CELF2: variants seen among roughly 807,000 people sequenced by gnomAD.
CELF2 encodes the protein CUGBP Elav-like family member 2.
CELF2 carries 8 observed loss-of-function variants against 62.6 expected under a neutral mutation model. The ratio of observed to expected loss-of-function variants is 0.13; its 90% confidence interval spans 0.07 to 0.23. CELF2 has a LOEUF of 0.23. CELF2 is among the 10% of genes least tolerant of loss of function. The probability of loss-of-function intolerance (pLI) is 1.00; values close to 1 mark genes in which losing one functional copy is unlikely to be tolerated. For missense variants in CELF2, 333 were observed against 671.0 expected, an observed-to-expected ratio of 0.50 and a Z score of 5.56; for synonymous variants, 258 against 250.0, an observed-to-expected ratio of 1.03 and a Z score of -0.30.
At chr10:11,094,483 T>C (rs1428482369) in intron 1 of CELF2, among the ~76,000 whole-genome samples, 1 of 152,168 alleles carries the variant, frequency 6.6e-6, no homozygotes, top group African/African-American at 2.4e-5. Flanking sequence ...GTAAATCAGG[T>C]GACTTGAAAT....
the CELF2 span, among the ~76,000 whole-genome samples, chr10:10,590,159 A>ACG: frequency 1.4e-3 from 213 of 151,140 alleles, no homozygotes; most frequent in African/African-American, 4.2e-3. Flanking sequence ...ACACATGTGC[A>ACG]TGCACACACA....
At position 11,252,328 on chromosome 10, in the gene CELF2, G is replaced by A. The variant is rs1028316645; in HGVS notation, c.403+3127G>A. Among the ~76,000 whole-genome samples, 13 of 152,276 alleles carry A rather than the reference G, an allele frequency of 8.5e-5. No individual in the cohort carries two copies. In the East Asian group the frequency reaches 1.2e-3, roughly 14 times the overall value. ...CCTGTAGTTTTGAAAGAAGTATAACGAGCTCTAATTGCACTTTTATTGAGT... is the reference window on the plus strand; with the variant it reads ...CCTGTAGTTTTGAAAGAAGTATAACAAGCTCTAATTGCACTTTTATTGAGT... On this transcript the variant is annotated intron_variant, in intron 4 of 12. Transcript: ENST00000633077.
At position 11,211,986 on chromosome 10, in the gene CELF2, A is replaced by C. The variant is rs887327255; in HGVS notation, c.272-5439A>C. 4.6e-5 allele frequency among the ~76,000 whole-genome samples: 7 copies of C among 152,186 alleles called. No homozygotes were observed. Among genetic ancestry groups the C allele is most frequent in the Non-Finnish European group, 8.8e-5 (6 of 68,036 alleles). Reference sequence around the variant, plus strand: ...TTCATGACAGCAGAAACTATTAGTGAAAAAATATAGCGAGACACCAGCTAC... The same window carrying C: ...TTCATGACAGCAGAAACTATTAGTGCAAAAATATAGCGAGACACCAGCTAC... On this transcript the variant is annotated intron_variant, in intron 2 of 12. Transcript: ENST00000633077. The surrounding 1 kb of genome is among the most constrained non-coding windows in gnomAD (Gnocchi z 4.8).
At chr10:11,124,671 C>G (rs1427649454) in intron 1 of CELF2, among the ~76,000 whole-genome samples, 2 of 152,116 alleles carry the variant, frequency 1.3e-5, no homozygotes, top group Admixed American at 6.5e-5. Flanking sequence ...CTACCATGTG[C>G]CAGGCACTGC....
At position 11,262,940 on chromosome 10, in the gene CELF2, C is replaced by CTTTTTTTTTTTTTTTTTT. The variant is rs553831640; in HGVS notation, c.539-3648_539-3631dup. On this transcript the variant is annotated intron_variant, in intron 5 of 12. Coordinates refer to ENST00000633077, the MANE Select transcript of CELF2 (RefSeq NM_001326342.2). ...GTTCATGCTTTTAAAAGTGGCTTTA[C>CTTTTTTTTTTTTTTTTTT]TTTTTTTTTTTTTTTTTTTTTTTTT... Among the ~76,000 whole-genome samples the CTTTTTTTTTTTTTTTTTT allele has an allele frequency of 5.0e-3, 264 of 52,758 alleles. 75 individuals are homozygous for CTTTTTTTTTTTTTTTTTT. The highest frequency in any genetic ancestry group is 0.017 in the East Asian group (18 of 1,036). The allele number at this position is 52,758 out of a possible 152,430, so 34.6% of individuals were successfully genotyped here.
intron 1 of CELF2, among the ~76,000 whole-genome samples, chr10:10,902,870 C>T (rs947953656): frequency 4.6e-5 from 5 of 108,798 alleles, no homozygotes; most frequent in Non-Finnish European, 5.2e-5. Flanking sequence ...GGAGAGGAAG[C>T]GAATATAGGC....
rs1355165220 is a variant in CELF2 at position 11,285,840 on chromosome 10, T to G, written c.842-2578T>G. Among the ~76,000 whole-genome samples, 30 of 121,690 alleles carry G rather than the reference T, an allele frequency of 2.5e-4. No homozygotes were observed. Among genetic ancestry groups the G allele is most frequent in the African/African-American group, 1.1e-3 (29 of 26,042 alleles). The allele number at this position is 121,690 out of a possible 152,430, so 79.8% of individuals were successfully genotyped here. A position where few individuals can be genotyped will look rare whatever the true frequency, so the allele number is the denominator to read the frequency against. On this transcript the variant is annotated intron_variant, in intron 8 of 12. Coordinates refer to ENST00000633077, the MANE Select transcript of CELF2 (RefSeq NM_001326342.2). The surrounding 1 kb of genome is among the most constrained non-coding windows in gnomAD (Gnocchi z 4.3). ...CTATATATATTGGTGTGTGTGTGTG[T>G]GTGTGTGTGTGTGTGTGTGTGTGTG...
chr10:10,839,453 T>C (rs1459515519), intron 1 of CELF2, among the ~76,000 whole-genome samples: 1 of 152,200 alleles, frequency 6.6e-6, no homozygotes, highest in East Asian at 1.9e-4. Context: ...TATGTATACA[T>C]TCAATTTCAC....
rs191249027 is a variant in CELF2 at position 11,033,360 on chromosome 10, C to T, written c.74+15197C>T. ...GCAACTTCCACCCCCCAGGTTCAAGCGATTCTCGTGCCTCAGCTTCCCGAG... is the reference window on the plus strand; with the variant it reads ...GCAACTTCCACCCCCCAGGTTCAAGTGATTCTCGTGCCTCAGCTTCCCGAG... On this transcript the variant is annotated intron_variant, in intron 1 of 12. Coordinates refer to ENST00000633077, the MANE Select transcript of CELF2 (RefSeq NM_001326342.2). 6.8e-4 allele frequency among the ~76,000 whole-genome samples: 103 copies of T among 151,850 alleles called. 1 individual carries two copies. In the South Asian group the frequency reaches 9.0e-3, roughly 13 times the overall value.
chr10:10,828,631 A>G (rs1275202158), intron 1 of CELF2, among the ~76,000 whole-genome samples: 1 of 152,210 alleles, frequency 6.6e-6, no homozygotes, highest in East Asian at 1.9e-4. Flanking sequence ...TGCACTTCAA[A>G]TGGTTTCAAT....
chr10:11,205,873 T>C (rs1217495114), intron 2 of CELF2, among the ~76,000 whole-genome samples: 1 of 152,134 alleles, frequency 6.6e-6, no homozygotes, highest in Non-Finnish European at 1.5e-5. Context: ...CAGCATCATA[T>C]CCAACAAGAA....
chr10:11,319,356 T>C lies in CELF2; in HGVS notation c.1097-1833T>C, dbSNP rs2095290876. On this transcript the variant is annotated intron_variant, in intron 10 of 12. Transcript: ENST00000633077. The surrounding 1 kb of genome is among the most constrained non-coding windows in gnomAD (Gnocchi z 4.4). ...GGAGGTGAGGATGAAGTAAGATCAC[T>C]GGAGGAATAGAGAAATGACTCTCCA... The C allele has an allele frequency of 2.9e-6, 1 of 349,658 alleles. No homozygotes were observed. Among genetic ancestry groups the C allele is most frequent in the African/African-American group, 2.1e-5 (1 of 46,584 alleles). The allele number at this position is 349,658 out of a possible 1,614,324, so 21.7% of individuals were successfully genotyped here. A position where few individuals can be genotyped will look rare whatever the true frequency, so the allele number is the denominator to read the frequency against.
intron 1 of CELF2, among the ~76,000 whole-genome samples, chr10:11,060,181 C>T (rs1442639750): frequency 6.6e-6 from 1 of 152,170 alleles, no homozygotes; most frequent in Non-Finnish European, 1.5e-5. Context: ...GAGGTACCAG[C>T]AGCAGTTTTA....
rs368685146 is a variant in CELF2, at chr10:10,902,865, G to C, written c.54-17099G>C. ...GAGACAAAGAAAGGGAGGGAGGAGA[G>C]GAAGCGAATATAGGCAGGAGAGAGA... On this transcript the variant is annotated intron_variant, in intron 1 of 13. Coordinates refer to the CELF2 transcript ENST00000636488. 6.4e-4 allele frequency among the ~76,000 whole-genome samples: 90 copies of C among 140,612 alleles called. No homozygotes were observed. In the East Asian group the frequency reaches 0.017, roughly 26 times the overall value. 92.2% of individuals were successfully genotyped at this position (140,612 alleles called of 152,430 possible).
At chr10:10,637,479 G>A in the CELF2 span, among the ~76,000 whole-genome samples, 5 of 152,140 alleles carry the variant, frequency 3.3e-5, no homozygotes, top group African/African-American at 1.2e-4. Context: ...CAGAGGCAGG[G>A]GAAACTTTTC....
At chr10:10,583,724 C>T in the CELF2 span, among the ~76,000 whole-genome samples, 460 of 152,162 alleles carry the variant, frequency 3.0e-3, 2 homozygotes, top group Middle Eastern at 0.01. Flanking sequence ...AAAGAAAGAC[C>T]GAGACTGGCA....
chr10:11,175,042 T>C (rs1282765302), intron 2 of CELF2, among the ~76,000 whole-genome samples: 1 of 149,078 alleles, frequency 6.7e-6, no homozygotes, highest in African/African-American at 2.5e-5. Context: ...TGAAAGCTAG[T>C]ATTAACATGT....
intron 8 of CELF2, among the ~76,000 whole-genome samples, chr10:11,276,571 T>C (rs1025745952): frequency 2.0e-5 from 3 of 152,188 alleles, no homozygotes; most frequent in Admixed American, 2.0e-4. Flanking sequence ...GATTGCAAGC[T>C]CTAAAATAAA....
upstream of CELF2, among the ~76,000 whole-genome samples, chr10:11,002,294 T>G (rs557848410): frequency 1.1e-4 from 17 of 152,294 alleles, no homozygotes; most frequent in African/African-American, 3.6e-4. This position sits in a 1 kb window ranked among gnomAD's most constrained non-coding sequence, Gnocchi z 4.4. Flanking sequence ...ATTTCAGTTA[T>G]CTCCCACCAG....
Sources: allele counts gnomAD v4.1 joint callset (sites outside exome capture counted in the v4.1 genomes callset), GRCh38; gene constraint gnomAD v4.1.1; non-coding constraint Gnocchi (gnomAD v3.1); transcripts MANE v1.5; gene names NCBI Gene and HGNC (gene_info 2026-07-23, HGNC 2026-07-21).